The following SCHIP1 variants were observed in gnomAD, a reference collection of about 807,000 sequenced individuals.
The protein encoded by SCHIP1 is schwannomin interacting protein 1.
SCHIP1 carries 8 observed loss-of-function variants against 29.7 expected under a neutral mutation model. That is an observed-to-expected ratio of 0.27 (90% CI 0.16 to 0.49). SCHIP1 has a LOEUF of 0.49. Ranked by LOEUF, SCHIP1 falls within the 20% of genes least tolerant of loss-of-function variation. The pLI, the probability that SCHIP1 is intolerant of heterozygous loss-of-function variation, is 0.99. For synonymous variants in SCHIP1, 76 were observed against 94.9 expected, an observed-to-expected ratio of 0.80 and a Z score of 1.16; for missense variants, 193 against 294.6, an observed-to-expected ratio of 0.66 and a Z score of 2.52.
At chr3:159,333,897 C>T in the SCHIP1 span, among the ~76,000 whole-genome samples, 1 of 152,198 alleles carries the variant, frequency 6.6e-6, no homozygotes, top group South Asian at 2.1e-4. Flanking sequence ...TCCTAATGGG[C>T]TGGACCTGTA....
chr3:159,598,289 C>G, the SCHIP1 span, among the ~76,000 whole-genome samples: 1 of 152,118 alleles, frequency 6.6e-6, no homozygotes, highest in Admixed American at 6.6e-5. Context: ...ATTATTAACC[C>G]AAAAGTCCAA....
rs79741174 is a variant in SCHIP1 at position 159,841,844 on chromosome 3, G to C, written c.30+1630G>C. On this transcript the variant is annotated intron_variant, in intron 1 of 6. Coordinates refer to ENST00000445224, the Ensembl canonical transcript of SCHIP1. ...TTTTCACAATAAAATTAAGTGTATT[G>C]GTTGGGTAATAATGGTCAATAGATT... is the stretch of plus-strand genomic sequence containing the variant. 8.6e-3 allele frequency among the ~76,000 whole-genome samples: 1,313 copies of C among 152,254 alleles called. 18 individuals carry two copies. Among genetic ancestry groups the C allele is most frequent in the African/African-American group, 0.031 (1,268 of 41,540 alleles).
At chr3:159,674,598 TAAAAAAAAAAAA>T in the SCHIP1 span, among the ~76,000 whole-genome samples, 1 of 53,974 alleles carries the variant, frequency 1.9e-5, no homozygotes, top group African/African-American at 7.4e-5. Context: ...GGGTCAGGAT[TAAAAAAAAAAAA>T]AAAAAAAAAA....
At chr3:159,292,271 C>A in the SCHIP1 span, among the ~76,000 whole-genome samples, 6 of 151,904 alleles carry the variant, frequency 3.9e-5, no homozygotes, top group Non-Finnish European at 8.8e-5. Context: ...ATAAGAAAAT[C>A]TTAATAATAG....
chr3:159,287,508 A>G, the SCHIP1 span, among the ~76,000 whole-genome samples: 2 of 151,980 alleles, frequency 1.3e-5, no homozygotes, highest in African/African-American at 4.8e-5. Flanking sequence ...TAATGAATAT[A>G]TAGTTTTTAT....
chr3:159,334,408 A>G, the SCHIP1 span, among the ~76,000 whole-genome samples: 1 of 152,192 alleles, frequency 6.6e-6, no homozygotes, highest in African/African-American at 2.4e-5. Flanking sequence ...CCTGCCCTTT[A>G]AGAAACAAAC....
the SCHIP1 span, among the ~76,000 whole-genome samples, chr3:159,311,918 C>A: frequency 6.6e-6 from 1 of 152,120 alleles, no homozygotes; most frequent in East Asian, 1.9e-4. Flanking sequence ...AAAGTTTAAT[C>A]ATCATGCTGG....
the SCHIP1 span, among the ~76,000 whole-genome samples, chr3:159,521,258 A>G: frequency 1.3e-5 from 2 of 152,246 alleles, no homozygotes; most frequent in Non-Finnish European, 1.5e-5. Context: ...CAGAAGAAAT[A>G]AATGCAAGTA....
chr3:159,497,035 C>A, the SCHIP1 span, among the ~76,000 whole-genome samples: 114 of 152,224 alleles, frequency 7.5e-4, no homozygotes, highest in South Asian at 0.012. Context: ...TGTTCTCACT[C>A]ATAGGTGGGA....
At chr3:159,736,198 G>A in the SCHIP1 span, among the ~76,000 whole-genome samples, 1 of 152,162 alleles carries the variant, frequency 6.6e-6, no homozygotes, top group Non-Finnish European at 1.5e-5. Flanking sequence ...TTCTAATTAG[G>A]TGGAATCAAA....
chr3:159,680,553 A>ATATATGTATAATATATC, the SCHIP1 span, among the ~76,000 whole-genome samples: 3 of 117,048 alleles, frequency 2.6e-5, no homozygotes, highest in African/African-American at 9.9e-5. Context: ...TATATATATA[A>ATATATGTATAATATATC]TATATATAAT....
At chr3:159,765,179 G>A in the SCHIP1 span, 11 of 1,519,386 alleles carry the variant, frequency 7.2e-6, no homozygotes, top group East Asian at 2.8e-4. Context: ...GCACACACGC[G>A]TACACACCCC....
chr3:159,343,797 G>T, the SCHIP1 span, among the ~76,000 whole-genome samples: 1 of 152,122 alleles, frequency 6.6e-6, no homozygotes, highest in African/African-American at 2.4e-5. Flanking sequence ...TATCAATATT[G>T]CACATGCTTA....
chr3:159,589,568 T>C, the SCHIP1 span, among the ~76,000 whole-genome samples: 2 of 152,188 alleles, frequency 1.3e-5, no homozygotes, highest in Non-Finnish European at 2.9e-5. Context: ...TTCCAGTTTT[T>C]GCCCATTCAG....
At chr3:159,728,825 T>G in the SCHIP1 span, among the ~76,000 whole-genome samples, 1 of 151,492 alleles carries the variant, frequency 6.6e-6, no homozygotes, top group Non-Finnish European at 1.5e-5. Flanking sequence ...GGCCAGGGGG[T>G]TTTGAAGCTC....
the SCHIP1 span, chr3:159,764,847 C>T: frequency 1.9e-6 from 3 of 1,592,382 alleles, no homozygotes; most frequent in South Asian, 2.3e-5. The surrounding 1 kb of genome is among the most constrained non-coding windows in gnomAD (Gnocchi z 6.1). Flanking sequence ...ACCAGCACGA[C>T]CCCCAGGACC....
At chr3:159,814,267 ATCAG>A in the SCHIP1 span, among the ~76,000 whole-genome samples, 1 of 152,188 alleles carries the variant, frequency 6.6e-6, no homozygotes, top group Non-Finnish European at 1.5e-5. Flanking sequence ...ATCCTCCTGG[ATCAG>A]TCAGGCTTTT....
the SCHIP1 span, among the ~76,000 whole-genome samples, chr3:159,373,241 TAC>T: frequency 4.6e-5 from 7 of 151,334 alleles, no homozygotes; most frequent in African/African-American, 1.5e-4. Flanking sequence ...TAATATATAT[TAC>T]AGTTATATAC....
the SCHIP1 span, among the ~76,000 whole-genome samples, chr3:159,407,906 T>C: frequency 3.9e-5 from 6 of 152,154 alleles, no homozygotes; most frequent in Non-Finnish European, 8.8e-5. Context: ...AAGTTTTGGC[T>C]TTGAGTGCCT....
Sources: gnomAD v4.1 joint callset for allele counts (sites outside exome capture counted in the v4.1 genomes callset) on GRCh38, gnomAD v4.1.1 for gene constraint, Gnocchi (gnomAD v3.1) non-coding constraint, MANE v1.5 for transcripts, NCBI Gene and HGNC (gene_info 2026-07-23, HGNC 2026-07-21) for gene names.